Variants in ADGRL3 observed in about 807,000 individuals in gnomAD.
The protein encoded by ADGRL3 is adhesion G protein-coupled receptor L3, also known as calcium-independent alpha-latrotoxin receptor 3.
A neutral mutation model predicts 153.5 loss-of-function variants in ADGRL3; 62 were observed. The ratio of observed to expected loss-of-function variants is 0.40; its 90% CI spans 0.33 to 0.50. The LOEUF (loss-of-function observed/expected upper bound fraction) is 0.50. Among genes scored for constraint, ADGRL3 ranks in the 20% least tolerant of loss-of-function variants. The pLI is 0.47. For synonymous variants in ADGRL3, 710 were observed against 672.5 expected, an observed-to-expected ratio of 1.06 and a Z score of -0.86; for missense variants, 1,641 against 1,859.4, an observed-to-expected ratio of 0.88 and a Z score of 2.16.
chr4:61,878,055 C>A (rs766895220), intron 9 of ADGRL3, among the ~76,000 whole-genome samples: 1 of 152,162 alleles, frequency 6.6e-6, no homozygotes, highest in Non-Finnish European at 1.5e-5. Flanking sequence ...CCATGTGGAA[C>A]TGTGAGTCAG....
intron 9 of ADGRL3, among the ~76,000 whole-genome samples, chr4:61,833,832 C>A (rs1248640660): frequency 1.3e-5 from 2 of 152,044 alleles, no homozygotes; most frequent in Non-Finnish European, 2.9e-5. Context: ...AAACTAAGTT[C>A]TTCCCAAAGT....
intron 4 of ADGRL3, among the ~76,000 whole-genome samples, chr4:61,546,619 C>G (rs2098714904): frequency 6.6e-6 from 1 of 151,966 alleles, no homozygotes; most frequent in Admixed American, 6.6e-5. Flanking sequence ...AATGAAGTCA[C>G]GTTTATAGCC....
At chr4:61,501,603 A>C (rs2098387644) in intron 3 of ADGRL3, among the ~76,000 whole-genome samples, 1 of 152,170 alleles carries the variant, frequency 6.6e-6, no homozygotes, top group Non-Finnish European at 1.5e-5. Context: ...CTAATATCTA[A>C]ATAAAATTAT....
chr4:61,882,460 T>A (rs897645498), intron 9 of ADGRL3, among the ~76,000 whole-genome samples: 1 of 152,160 alleles, frequency 6.6e-6, no homozygotes, highest in Admixed American at 6.5e-5. Context: ...TCCCATTCAG[T>A]CACTCTTCAA....
intron 5 of ADGRL3, among the ~76,000 whole-genome samples, chr4:61,663,641 A>G (rs1441738247): frequency 2.0e-5 from 3 of 152,206 alleles, no homozygotes; most frequent in Non-Finnish European, 4.4e-5. Flanking sequence ...AGCAAAACTC[A>G]GGCAAACATG....
At chr4:61,279,976 T>C (rs921835299) in intron 1 of ADGRL3, among the ~76,000 whole-genome samples, 4 of 152,088 alleles carry the variant, frequency 2.6e-5, no homozygotes, top group Non-Finnish European at 4.4e-5. Context: ...TACAAATACA[T>C]AGGAATGTAC....
At chr4:61,908,487 C>G (rs2098706744) in intron 11 of ADGRL3, among the ~76,000 whole-genome samples, 1 of 151,472 alleles carries the variant, frequency 6.6e-6, no homozygotes, top group Admixed American at 6.6e-5. Context: ...ATCCCAGCTA[C>G]TTGGGAGGCT....
chr4:61,950,944 A>G (rs1017476442), intron 17 of ADGRL3, among the ~76,000 whole-genome samples: 14 of 152,338 alleles, frequency 9.2e-5, no homozygotes, highest in African/African-American at 2.9e-4. Flanking sequence ...TTTAGTTGGT[A>G]TAACAAGAAT....
chr4:61,903,246 T>C (rs2098674857), intron 11 of ADGRL3, among the ~76,000 whole-genome samples: 1 of 152,222 alleles, frequency 6.6e-6, no homozygotes, highest in Admixed American at 6.5e-5. Flanking sequence ...TATTCCGTTG[T>C]ACCTTGTATC....
chr4:61,884,642 T>TGA (rs2098526802), intron 9 of ADGRL3, among the ~76,000 whole-genome samples: 1 of 152,034 alleles, frequency 6.6e-6, no homozygotes, highest in Non-Finnish European at 1.5e-5. Context: ...TTTACTTTTT[T>TGA]GAGATGGAGT....
At chr4:61,503,388 G>T (rs2098405326) in intron 3 of ADGRL3, among the ~76,000 whole-genome samples, 1 of 151,718 alleles carries the variant, frequency 6.6e-6, no homozygotes, top group Non-Finnish European at 1.5e-5. Context: ...ATATTTCTTT[G>T]TCTGTGGTGG....
At chr4:61,579,774 C>G (rs900037599) in intron 4 of ADGRL3, among the ~76,000 whole-genome samples, 2 of 151,978 alleles carry the variant, frequency 1.3e-5, no homozygotes, top group African/African-American at 4.8e-5. Flanking sequence ...TTAATTGTCA[C>G]TTTGTTACAC....
intron 2 of ADGRL3, among the ~76,000 whole-genome samples, chr4:61,485,471 A>AT (rs1560713182): frequency 6.6e-6 from 1 of 152,058 alleles, no homozygotes; most frequent in Non-Finnish European, 1.5e-5. Flanking sequence ...AAATATTGAA[A>AT]TTTTTTAAAA....
chr4:61,782,689 T>A (rs1429402365), intron 8 of ADGRL3, among the ~76,000 whole-genome samples: 2 of 152,174 alleles, frequency 1.3e-5, no homozygotes. Context: ...AAATGGAAGC[T>A]TACTTTAACA....
At chr4:61,556,828 A>G (rs2098769445) in intron 4 of ADGRL3, among the ~76,000 whole-genome samples, 1 of 152,190 alleles carries the variant, frequency 6.6e-6, no homozygotes, top group Admixed American at 6.5e-5. Flanking sequence ...TTGGAGGGGT[A>G]GATGTTGCTC....
intron 2 of ADGRL3, among the ~76,000 whole-genome samples, chr4:61,466,153 A>G (rs1239229993): frequency 2.0e-5 from 3 of 152,082 alleles, no homozygotes. Context: ...AAATAAATAA[A>G]CAAACAATCC....
chr4:61,324,170 C>A (rs988467879), intron 1 of ADGRL3, among the ~76,000 whole-genome samples: 1 of 152,148 alleles, frequency 6.6e-6, no homozygotes, highest in African/African-American at 2.4e-5. Context: ...CCTCTCACAA[C>A]ACTTGGGAAT....
At chr4:61,484,132 T>C (rs2098163600) in intron 2 of ADGRL3, among the ~76,000 whole-genome samples, 1 of 152,056 alleles carries the variant, frequency 6.6e-6, no homozygotes, top group Non-Finnish European at 1.5e-5. Flanking sequence ...AACCTTTTGC[T>C]AAGTGACTCC....
intron 8 of ADGRL3, among the ~76,000 whole-genome samples, chr4:61,781,280 C>T (rs776338391): frequency 4.1e-5 from 6 of 147,118 alleles, no homozygotes; most frequent in South Asian, 2.1e-4. Flanking sequence ...GAGCCGAGAT[C>T]GTGCCATTGC....
Sources: gnomAD v4.1 joint callset for allele counts (sites outside exome capture counted in the v4.1 genomes callset) on GRCh38, gnomAD v4.1.1 for gene constraint, MANE v1.5 for transcripts, NCBI Gene and HGNC (gene_info 2026-07-23, HGNC 2026-07-21) for gene names.